Variants in MRPS28 observed in about 807,000 individuals in gnomAD.
MRPS28 encodes the protein small ribosomal subunit protein bS1m.
Under a neutral mutation model 10.8 loss-of-function variants are expected in MRPS28, and 7 were observed. The ratio of observed to expected loss-of-function variants is 0.65; its 90% CI spans 0.37 to 1.22. The LOEUF (loss-of-function observed/expected upper bound fraction) is 1.22, where lower values mean the gene tolerates loss of function less well. Among genes scored for constraint, MRPS28 ranks in the 50% most tolerant of loss-of-function variants. MRPS28 has a pLI of 0.02. For missense variants in MRPS28, 265 were observed against 232.9 expected, an observed-to-expected ratio of 1.14 and a Z score of -0.90; for synonymous variants, 121 against 93.3, an observed-to-expected ratio of 1.30 and a Z score of -1.71.
chr8:80,020,320 G>T (rs1158464376), intron 1 of MRPS28, among the ~76,000 whole-genome samples: 1 of 152,164 alleles, frequency 6.6e-6, no homozygotes, highest in Non-Finnish European at 1.5e-5. Context: ...GAGGTATAAT[G>T]AGGCACGTCT....
At chr8:80,008,985 C>A (rs1345975102) in intron 1 of MRPS28, among the ~76,000 whole-genome samples, 2 of 152,090 alleles carry the variant, frequency 1.3e-5, no homozygotes, top group African/African-American at 4.8e-5. Context: ...CATATGTTTA[C>A]TGTGGCACTA....
intron 2 of MRPS28, among the ~76,000 whole-genome samples, chr8:79,984,880 A>C (rs1808106361): frequency 6.6e-6 from 1 of 152,204 alleles, no homozygotes; most frequent in South Asian, 2.1e-4. Context: ...ACAGAAAGTT[A>C]ATAAGGATAC....
intron 2 of MRPS28, among the ~76,000 whole-genome samples, chr8:79,948,203 G>GGTCTCAAACTTGACCTGAAGCAAT (rs1468746805): frequency 6.6e-6 from 1 of 151,772 alleles, no homozygotes; most frequent in East Asian, 1.9e-4. Context: ...TGGCCAGGCT[G>GGTCTCAAACTTGACCTGAAGCAAT]GTCTCAAACT....
intron 1 of MRPS28, among the ~76,000 whole-genome samples, chr8:80,022,280 C>T (rs1412133983): frequency 6.6e-6 from 1 of 151,478 alleles, no homozygotes; most frequent in Non-Finnish European, 1.5e-5. Flanking sequence ...ACACTCATTA[C>T]TTTTTACTGC....
At chr8:79,988,339 G>A (rs1808256222) in intron 2 of MRPS28, among the ~76,000 whole-genome samples, 1 of 151,050 alleles carries the variant, frequency 6.6e-6, no homozygotes, top group African/African-American at 2.4e-5. Flanking sequence ...AAGTTAATGG[G>A]TGCAGCACAC....
chr8:79,997,155 T>C (rs1011811238), intron 2 of MRPS28, among the ~76,000 whole-genome samples: 2 of 152,158 alleles, frequency 1.3e-5, no homozygotes, highest in Admixed American at 1.3e-4. Flanking sequence ...GCTGCATTAA[T>C]ATGACAGAAA....
At chr8:79,966,862 T>C (rs77620655) in intron 2 of MRPS28, among the ~76,000 whole-genome samples, 3,658 of 152,264 alleles carry the variant, frequency 0.024, 78 homozygotes, top group Non-Finnish European at 0.037. Flanking sequence ...TTTATACTTA[T>C]GAATAATCTT....
chr8:79,942,947 C>T (rs1348675257), intron 2 of MRPS28, among the ~76,000 whole-genome samples: 1 of 152,162 alleles, frequency 6.6e-6, no homozygotes, highest in African/African-American at 2.4e-5. Context: ...GTCAAAACTA[C>T]TTCAATATCC....
chr8:80,030,210 C>G lies in MRPS28; in HGVS notation c.39G>C (p.Glu13Asp). The change falls in exon 1 of 3, where the codon GAG (glutamate) becomes GAC (aspartate). Residue 13 changes from glutamate (E) to aspartate (D), a missense_variant. Coordinates refer to ENST00000276585, the MANE Select transcript of MRPS28 (RefSeq NM_014018.3). The part of the protein sequence containing the change: ...ALCRTRAVAA[E>D]SHFLRVFLFF... ...AGAGAAACACTCGCAGAAAATGGCTCTCGGCAGCCACAGCACGGGTCCGAC... is the reference window on the plus strand; with the variant it reads ...AGAGAAACACTCGCAGAAAATGGCTGTCGGCAGCCACAGCACGGGTCCGAC... 10 of 1,614,156 alleles carry G rather than the reference C, an allele frequency of 6.2e-6. No individual in the cohort carries two copies. The South Asian group carries it at 1.1e-4, about 18-fold the overall frequency.
intron 2 of MRPS28, among the ~76,000 whole-genome samples, chr8:79,969,923 T>C (rs1218268125): frequency 6.6e-6 from 1 of 152,204 alleles, no homozygotes; most frequent in Non-Finnish European, 1.5e-5. Context: ...TCAGCTCTTC[T>C]GCAGAACACA....
intron 2 of MRPS28, among the ~76,000 whole-genome samples, chr8:79,963,863 C>T (rs1807435872): frequency 1.3e-5 from 2 of 152,044 alleles, no homozygotes; most frequent in Non-Finnish European, 2.9e-5. Context: ...TCCATATGCA[C>T]ATGACAGGTC....
chr8:80,023,043 G>A (rs749892383), intron 1 of MRPS28, among the ~76,000 whole-genome samples: 2 of 152,136 alleles, frequency 1.3e-5, no homozygotes, highest in Non-Finnish European at 2.9e-5. Context: ...ACTTTCCCCA[G>A]AGAATTCTAT....
At chr8:79,972,158 C>G (rs1166678523) in intron 2 of MRPS28, among the ~76,000 whole-genome samples, 1 of 152,026 alleles carries the variant, frequency 6.6e-6, no homozygotes, top group Non-Finnish European at 1.5e-5. Flanking sequence ...AAAAATATAA[C>G]AAAATATAAA....
intron 2 of MRPS28, among the ~76,000 whole-genome samples, chr8:79,943,294 A>G (rs373257288): frequency 8.1e-4 from 123 of 152,374 alleles, no homozygotes; most frequent in African/African-American, 2.7e-3. Flanking sequence ...CTATGTGACA[A>G]TAGCTACAAG....
intron 2 of MRPS28, among the ~76,000 whole-genome samples, chr8:79,937,612 CAGT>C (rs753235705): frequency 4.6e-5 from 7 of 152,122 alleles, no homozygotes; most frequent in Admixed American, 3.9e-4. Context: ...GTGCAGTTAT[CAGT>C]AGAAGTGGAA....
chr8:79,933,454 T>C (rs1275552285), intron 2 of MRPS28, among the ~76,000 whole-genome samples: 1 of 152,256 alleles, frequency 6.6e-6, no homozygotes, highest in East Asian at 1.9e-4. Flanking sequence ...CGCTGGAAAC[T>C]TGGGCTTCAA....
chr8:79,979,061 C>A (rs1586072809), intron 2 of MRPS28, among the ~76,000 whole-genome samples: 3 of 152,152 alleles, frequency 2.0e-5, no homozygotes, highest in Admixed American at 2.0e-4. Context: ...CAAAATACAG[C>A]CAGCCTAAAA....
chr8:80,000,584 T>C (rs759336229), intron 2 of MRPS28, among the ~76,000 whole-genome samples: 3 of 152,216 alleles, frequency 2.0e-5, no homozygotes, highest in Non-Finnish European at 4.4e-5. Context: ...GTGGTATATA[T>C]TTAGTTTTAA....
chr8:79,989,493 T>C (rs1299210006), intron 2 of MRPS28, among the ~76,000 whole-genome samples: 1 of 152,218 alleles, frequency 6.6e-6, no homozygotes, highest in Non-Finnish European at 1.5e-5. Flanking sequence ...TTTAGAGTCC[T>C]GAAGTTGAAT....
Sources: gnomAD v4.1 joint callset for allele counts (sites outside exome capture counted in the v4.1 genomes callset) on GRCh38, gnomAD v4.1.1 for gene constraint, MANE v1.5 for transcripts, NCBI Gene and HGNC (gene_info 2026-07-23, HGNC 2026-07-21) for gene names.